CRPPA: variants seen among roughly 807,000 people sequenced by gnomAD.
The protein encoded by CRPPA is CDP-L-ribitol pyrophosphorylase A.
CRPPA carries 43 observed loss-of-function variants against 52.0 expected under a neutral mutation model. The ratio of observed to expected loss-of-function variants is 0.83; its 90% CI spans 0.65 to 1.07. The LOEUF (loss-of-function observed/expected upper bound fraction) is 1.07, where lower values mean the gene tolerates loss of function less well. CRPPA is among the 50% of genes least tolerant of loss of function. The pLI, the probability that CRPPA is intolerant of heterozygous loss-of-function variation, is 0.00. For missense variants in CRPPA, 629 were observed against 551.7 expected, an observed-to-expected ratio of 1.14 and a Z score of -1.40; for synonymous variants, 250 against 203.5, an observed-to-expected ratio of 1.23 and a Z score of -1.94.
intron 2 of CRPPA, among the ~76,000 whole-genome samples, chr7:16,386,251 G>A (rs901218232): frequency 5.3e-5 from 8 of 152,126 alleles, no homozygotes; most frequent in Non-Finnish European, 7.4e-5. Context: ...TCCTCTCAAC[G>A]TTCAGATGCT....
At position 16,258,894 on chromosome 7, in the gene CRPPA, G is replaced by A. The variant is rs1210738163; in HGVS notation, c.1026+26C>T. 8 of 1,441,446 alleles carry A rather than the reference G, an allele frequency of 5.5e-6. No individual in the cohort carries two copies. In the East Asian group the frequency reaches 1.8e-4, roughly 33 times the overall value. The allele number at this position is 1,441,446 out of a possible 1,614,324, so 89.3% of individuals were successfully genotyped here. A position where few individuals can be genotyped will look rare whatever the true frequency, so the allele number is the denominator to read the frequency against. The stretch of plus-strand genomic sequence containing the variant: ...TCCACATTTGTTCATATCCTTAAGT[G>A]CCTTCAATCATTTGAATTGACTTAC... On this transcript the variant is annotated intron_variant, in intron 7 of 9. Transcript: ENST00000407010.
intron 8 of CRPPA, among the ~76,000 whole-genome samples, chr7:16,251,831 A>G (rs1309624621): frequency 6.6e-6 from 1 of 152,194 alleles, no homozygotes; most frequent in East Asian, 1.9e-4. Flanking sequence ...GAGGAGCAAG[A>G]GCAAACAAAT....
intron 8 of CRPPA, among the ~76,000 whole-genome samples, chr7:16,236,913 G>A (rs1453473092): frequency 1.3e-5 from 2 of 151,534 alleles, no homozygotes; most frequent in East Asian, 3.9e-4. Flanking sequence ...AGTCTAACTT[G>A]CCTTTCAAAG....
At chr7:16,358,854 T>C (rs970196055) in intron 3 of CRPPA, among the ~76,000 whole-genome samples, 27 of 152,302 alleles carry the variant, frequency 1.8e-4, no homozygotes, top group African/African-American at 6.5e-4. Context: ...CAAAATTACA[T>C]CTTTAGCTCC....
intron 9 of CRPPA, among the ~76,000 whole-genome samples, chr7:16,139,147 A>C (rs17169282): frequency 0.023 from 3,442 of 152,298 alleles, 134 homozygotes; most frequent in African/African-American, 0.077. Flanking sequence ...GAGCCATTAA[A>C]ACTAATAATT....
Position 16,324,655 on chromosome 7 carries a change from A to G in CRPPA, c.685-16028T>C, listed in dbSNP as rs142334871. On this transcript the variant is annotated intron_variant, in intron 3 of 9. Transcript: ENST00000407010. Reference sequence around the variant, plus strand: ...AAATAAATTGTACATTACCATCAACAAGGTCTGGAGACTACACTCTTTAAA... The same window carrying G: ...AAATAAATTGTACATTACCATCAACGAGGTCTGGAGACTACACTCTTTAAA... Among the ~76,000 whole-genome samples, 66 of 152,072 alleles carry G rather than the reference A, an allele frequency of 4.3e-4. 1 individual carries two copies. The East Asian group carries it at 9.3e-3, about 21-fold the overall frequency.
At chr7:16,371,549 C>A in intron 3 of CRPPA, among the ~76,000 whole-genome samples, 1 of 150,680 alleles carries the variant, frequency 6.6e-6, no homozygotes. Context: ...AAAAAAAAAC[C>A]CACAGTCCAA....
chr7:16,179,728 T>C (rs1781373812), intron 9 of CRPPA, among the ~76,000 whole-genome samples: 1 of 152,066 alleles, frequency 6.6e-6, no homozygotes, highest in African/African-American at 2.4e-5. Context: ...ACTGGGTTTG[T>C]GGCAATTTGT....
chr7:16,124,550 TAG>T (rs2128370835), intron 9 of CRPPA, among the ~76,000 whole-genome samples: 1 of 152,200 alleles, frequency 6.6e-6, no homozygotes, highest in African/African-American at 2.4e-5. Context: ...AAATAAAGAG[TAG>T]AATAGTGGTT....
At chr7:16,275,494 C>T (rs1784181941) in intron 6 of CRPPA, among the ~76,000 whole-genome samples, 1 of 152,128 alleles carries the variant, frequency 6.6e-6, no homozygotes, top group Non-Finnish European at 1.5e-5. Context: ...TATTTTGACT[C>T]ATCCCTTCCT....
chr7:16,115,578 T>TAATAC (rs1782353967), intron 9 of CRPPA, among the ~76,000 whole-genome samples: 1 of 152,206 alleles, frequency 6.6e-6, no homozygotes, highest in Non-Finnish European at 1.5e-5. Context: ...CCCTTAGTGC[T>TAATAC]CAGGATCTTG....
Position 16,091,543 on chromosome 7 carries a change from T to C in CRPPA, c.*152A>G. On this transcript the variant is annotated 3_prime_UTR_variant, in exon 10 of 10. Coordinates refer to ENST00000407010, the MANE Select transcript of CRPPA (RefSeq NM_001101426.4). ...TTTATTTCACAGATATAAACATTAA[T>C]CTGCTTTATAATCTAAGCATCACAT... 1.8e-6 allele frequency: 1 copy of C among 555,144 alleles called. No homozygotes were observed. Among genetic ancestry groups the C allele is most frequent in the Non-Finnish European group, 3.1e-6 (1 of 320,934 alleles). The allele number at this position is 555,144 out of a possible 1,614,324, so 34.4% of individuals were successfully genotyped here.
chr7:16,131,683 A>T (rs565621057), intron 9 of CRPPA, among the ~76,000 whole-genome samples: 1 of 152,200 alleles, frequency 6.6e-6, no homozygotes, highest in Non-Finnish European at 1.5e-5. Flanking sequence ...CCTGGGTTCA[A>T]GCAATCCTCC....
At chr7:16,237,222 A>G (rs1213565672) in intron 8 of CRPPA, 1 of 152,108 alleles carries the variant, frequency 6.6e-6, no homozygotes, top group African/African-American at 2.4e-5. Context: ...GTTCACTCCC[A>G]CTAAAACTAT....
intron 5 of CRPPA, among the ~76,000 whole-genome samples, chr7:16,295,737 A>C (rs1004553684): frequency 1.3e-5 from 2 of 152,054 alleles, no homozygotes; most frequent in Non-Finnish European, 2.9e-5. Context: ...AATCTATATA[A>C]AGTATGTTAC....
rs564087042 is a variant in CRPPA, at chr7:16,332,293, G to A, written c.685-23666C>T. Among the ~76,000 whole-genome samples the A allele has an allele frequency of 8.9e-4, 135 of 152,210 alleles. 1 individual carries two copies. In the South Asian group the frequency reaches 0.027, roughly 30 times the overall value. On this transcript the variant is annotated intron_variant, in intron 3 of 9. Coordinates refer to ENST00000407010, the MANE Select transcript of CRPPA (RefSeq NM_001101426.4). ...TGTTGCCAATAAACCTGCTTTGCTA[G>A]CAATGTTAAAAGGAGCTATTTAGAG...
chr7:16,397,613 A>G (rs1787638336), intron 2 of CRPPA, among the ~76,000 whole-genome samples: 1 of 152,102 alleles, frequency 6.6e-6, no homozygotes. Context: ...GTGACACGTG[A>G]CACGTGACCA....
chr7:16,357,849 C>T (rs752835514), intron 3 of CRPPA, among the ~76,000 whole-genome samples: 15 of 152,230 alleles, frequency 9.9e-5, no homozygotes, highest in Middle Eastern at 3.4e-3. Context: ...TGCAGCCCAC[C>T]GGATGGCAGG....
At chr7:16,127,776 T>C (rs956846648) in intron 9 of CRPPA, among the ~76,000 whole-genome samples, 12 of 152,146 alleles carry the variant, frequency 7.9e-5, no homozygotes, top group Admixed American at 5.2e-4. Context: ...AACCTGACTA[T>C]AGTTTTGGAG....
Sources: gnomAD v4.1 joint callset for allele counts (sites outside exome capture counted in the v4.1 genomes callset) on GRCh38, gnomAD v4.1.1 for gene constraint, MANE v1.5 for transcripts, NCBI Gene and HGNC (gene_info 2026-07-23, HGNC 2026-07-21) for gene names.